CHN1: variants seen among roughly 807,000 people sequenced by gnomAD.
CHN1 encodes the protein N-chimaerin.
In CHN1, 37 loss-of-function variants were observed where a neutral mutation model predicts 59.5. That is an observed-to-expected ratio of 0.62 (90% CI 0.48 to 0.82). CHN1 has a LOEUF of 0.82. Among genes scored for constraint, CHN1 ranks in the 40% least tolerant of loss-of-function variants. The pLI is 0.00. For missense variants in CHN1, 469 were observed against 571.0 expected, an observed-to-expected ratio of 0.82 and a Z score of 1.82; for synonymous variants, 206 against 200.4, an observed-to-expected ratio of 1.03 and a Z score of -0.24.
intron 3 of CHN1, among the ~76,000 whole-genome samples, chr2:174,934,315 C>T (rs551720279): frequency 6.6e-6 from 1 of 152,298 alleles, no homozygotes; most frequent in East Asian, 1.9e-4. Context: ...AAGTGCACAA[C>T]CTAGATCCCT....
chr2:174,937,333 A>G (rs903180934), intron 3 of CHN1, among the ~76,000 whole-genome samples: 1 of 152,212 alleles, frequency 6.6e-6, no homozygotes, highest in African/African-American at 2.4e-5. Context: ...GTAAGCTGTG[A>G]TACAATACTA....
At chr2:174,845,480 T>TAC (rs1686476566) in intron 7 of CHN1, among the ~76,000 whole-genome samples, 1 of 152,164 alleles carries the variant, frequency 6.6e-6, no homozygotes, top group Non-Finnish European at 1.5e-5. Flanking sequence ...CTTAGGTTCC[T>TAC]AAATGAAAGA....
chr2:174,899,344 C>T (rs1688316767), intron 5 of CHN1, among the ~76,000 whole-genome samples: 1 of 152,152 alleles, frequency 6.6e-6, no homozygotes, highest in South Asian at 2.1e-4. Context: ...CACTTACATC[C>T]TGTGAATATC....
At chr2:174,971,986 C>A (rs920440335) in intron 1 of CHN1, among the ~76,000 whole-genome samples, 2 of 152,146 alleles carry the variant, frequency 1.3e-5, no homozygotes, top group Non-Finnish European at 2.9e-5. Flanking sequence ...ATGCAGATGC[C>A]TGAGGAAATA....
intron 1 of CHN1, among the ~76,000 whole-genome samples, chr2:174,953,212 A>G (rs1369240534): frequency 6.6e-6 from 1 of 152,212 alleles, no homozygotes; most frequent in African/African-American, 2.4e-5. Context: ...AGACTAAACA[A>G]GTAGCTCAGG....
At chr2:174,852,500 A>C (rs986693715) in intron 6 of CHN1, among the ~76,000 whole-genome samples, 8 of 152,192 alleles carry the variant, frequency 5.3e-5, no homozygotes, top group Admixed American at 5.2e-4. Context: ...AATGGCCATA[A>C]TGCCCAAAGC....
chr2:175,002,365 T>G (rs1691919541), intron 1 of CHN1, among the ~76,000 whole-genome samples: 2 of 152,226 alleles, frequency 1.3e-5, no homozygotes. Context: ...TAAAAATATG[T>G]TAAGCAGCAA....
intron 6 of CHN1, chr2:174,847,194 C>G (rs953135629): frequency 6.7e-7 from 1 of 1,491,514 alleles, no homozygotes; most frequent in Non-Finnish European, 8.9e-7. Context: ...ATCTATTCAG[C>G]TAACACATGA....
intron 5 of CHN1, among the ~76,000 whole-genome samples, chr2:174,905,403 GC>G (rs1688515174): frequency 6.6e-6 from 1 of 152,026 alleles, no homozygotes; most frequent in African/African-American, 2.4e-5. Flanking sequence ...TTTATACAAT[GC>G]CTTAAAAATA....
At chr2:174,990,585 T>C (rs1387033913) in intron 1 of CHN1, among the ~76,000 whole-genome samples, 1 of 152,210 alleles carries the variant, frequency 6.6e-6, no homozygotes, top group South Asian at 2.1e-4. Flanking sequence ...TATAGCGATG[T>C]CTGTTGCCCC....
At chr2:174,951,878 G>C (rs1690034299) in intron 2 of CHN1, among the ~76,000 whole-genome samples, 1 of 152,096 alleles carries the variant, frequency 6.6e-6, no homozygotes, top group Non-Finnish European at 1.5e-5. Context: ...GTGTCTCCTT[G>C]TATTAGCTTC....
chr2:174,914,408 C>T (rs1038723147), intron 5 of CHN1, among the ~76,000 whole-genome samples: 3 of 152,158 alleles, frequency 2.0e-5, no homozygotes, highest in South Asian at 2.1e-4. Flanking sequence ...AGAGAAATGG[C>T]ACTGACTTTA....
chr2:174,846,581 A>G (rs1686523201), intron 7 of CHN1, among the ~76,000 whole-genome samples: 1 of 152,208 alleles, frequency 6.6e-6, no homozygotes, highest in Non-Finnish European at 1.5e-5. Flanking sequence ...TCACAAATAA[A>G]AACAATGCCA....
At chr2:174,833,099 C>T (rs1685935717) in intron 7 of CHN1, among the ~76,000 whole-genome samples, 3 of 151,964 alleles carry the variant, frequency 2.0e-5, no homozygotes, top group Non-Finnish European at 2.9e-5. Flanking sequence ...TATGTGTATC[C>T]TGCTGTTGTT....
chr2:174,934,368 C>T (rs2105391866), intron 3 of CHN1, among the ~76,000 whole-genome samples: 1 of 152,346 alleles, frequency 6.6e-6, no homozygotes, highest in African/African-American at 2.4e-5. Flanking sequence ...CTATGAGAAT[C>T]TAATGCCACT....
intron 5 of CHN1, among the ~76,000 whole-genome samples, chr2:174,908,264 T>C (rs1368808842): frequency 1.3e-5 from 2 of 152,218 alleles, no homozygotes; most frequent in Non-Finnish European, 2.9e-5. Flanking sequence ...GAAGCCCTTT[T>C]AAATATCAGT....
intron 1 of CHN1, among the ~76,000 whole-genome samples, chr2:174,978,333 G>A (rs1044907749): frequency 1.3e-5 from 2 of 152,098 alleles, no homozygotes; most frequent in South Asian, 2.1e-4. Context: ...TCCACAATCC[G>A]TATTTCTGTG....
At chr2:174,921,958 C>T (rs1005442703) in intron 3 of CHN1, among the ~76,000 whole-genome samples, 1 of 152,104 alleles carries the variant, frequency 6.6e-6, no homozygotes, top group Non-Finnish European at 1.5e-5. Context: ...ATACTTTATC[C>T]CTCATGAATC....
At chr2:174,912,161 A>C (rs1250465310) in intron 5 of CHN1, among the ~76,000 whole-genome samples, 1 of 152,186 alleles carries the variant, frequency 6.6e-6, no homozygotes, top group Non-Finnish European at 1.5e-5. Context: ...TATGGCTCCA[A>C]AACACAAAAA....
Sources: gnomAD v4.1 joint callset for allele counts (sites outside exome capture counted in the v4.1 genomes callset) on GRCh38, gnomAD v4.1.1 for gene constraint, MANE v1.5 for transcripts, NCBI Gene and HGNC (gene_info 2026-07-23, HGNC 2026-07-21) for gene names.